SYT1: variants seen among roughly 807,000 people sequenced by gnomAD.
SYT1 encodes the protein synaptotagmin 1.
A neutral mutation model predicts 44.8 loss-of-function variants in SYT1; 8 were observed. That is an observed-to-expected ratio of 0.18 (90% CI 0.10 to 0.32). The LOEUF is 0.32. SYT1 is among the 10% of genes least tolerant of loss of function. The probability of loss-of-function intolerance (pLI) is 1.00; values close to 1 mark genes in which losing one functional copy is unlikely to be tolerated. For missense variants in SYT1, 286 were observed against 509.3 expected, an observed-to-expected ratio of 0.56 and a Z score of 4.22; for synonymous variants, 154 against 188.8, an observed-to-expected ratio of 0.82 and a Z score of 1.51.
In SYT1 at chr12:79,335,791, A is replaced by T. The variant is rs952368693; in HGVS notation, c.811-17711A>T. Among the ~76,000 whole-genome samples the T allele has an allele frequency of 1.2e-3, 183 of 152,298 alleles. 4 individuals are homozygous for T. Among genetic ancestry groups the T allele is most frequent in the Admixed American group, 0.012 (183 of 15,294 alleles). ...CACTTTCTTCTCATGTGATTTGTCAACACACATATAAAGGACATCTCTGGC... is the reference window on the plus strand; with the variant it reads ...CACTTTCTTCTCATGTGATTTGTCATCACACATATAAAGGACATCTCTGGC... On this transcript the variant is annotated intron_variant, in intron 8 of 10. Transcript: ENST00000261205.
At position 79,064,941 on chromosome 12, in the gene SYT1, AAAGAAAGAAAG is replaced by A. The variant is rs1565789254; in HGVS notation, c.-18+17582_-18+17592del. 2.4e-5 allele frequency among the ~76,000 whole-genome samples: 3 copies of A among 123,638 alleles called. No homozygotes were observed. The East Asian group carries it at 6.6e-4, about 27-fold the overall frequency. 81.1% of individuals were successfully genotyped at this position (123,638 alleles called of 152,430 possible). Reference sequence around the variant, plus strand: ...AAAAAATAGAGAGAAAGAAAGAAAGAAAGAAAGAAAGAAAGAAAGAAAGAAAGAAAGAAAGA... The same window carrying A: ...AAAAAATAGAGAGAAAGAAAGAAAGAAAAGAAAGAAAGAAAGAAAGAAAGA... On this transcript the variant is annotated intron_variant, in intron 3 of 10. Transcript: ENST00000261205.
At chr12:79,055,456 C>T (rs1874860258) in intron 3 of SYT1, among the ~76,000 whole-genome samples, 1 of 151,974 alleles carries the variant, frequency 6.6e-6, no homozygotes, top group South Asian at 2.1e-4. Context: ...AATGATTTAG[C>T]TATATGAATT....
At chr12:78,952,049 G>A (rs1012676619) in intron 1 of SYT1, among the ~76,000 whole-genome samples, 6 of 152,028 alleles carry the variant, frequency 3.9e-5, no homozygotes, top group Admixed American at 1.3e-4. Context: ...AGGCCATGAA[G>A]AGCAAAATGA....
intron 3 of SYT1, among the ~76,000 whole-genome samples, chr12:79,062,304 C>T (rs1875448878): frequency 6.6e-6 from 1 of 152,118 alleles, no homozygotes; most frequent in African/African-American, 2.4e-5. Flanking sequence ...CCTATTGATT[C>T]AGATGTTTTC....
intron 1 of SYT1, among the ~76,000 whole-genome samples, chr12:78,897,767 T>C (rs1433374041): frequency 1.3e-5 from 2 of 152,102 alleles, no homozygotes; most frequent in African/African-American, 2.4e-5. Context: ...TTTGGAGGCA[T>C]TCTTTTTCCA....
intron 4 of SYT1, among the ~76,000 whole-genome samples, chr12:79,241,431 C>T (rs1317132197): frequency 2.6e-5 from 4 of 151,848 alleles, no homozygotes; most frequent in African/African-American, 7.3e-5. Context: ...CCACCATGCC[C>T]GGCTAATTTT....
chr12:79,014,597 C>T (rs1412846505), intron 2 of SYT1, among the ~76,000 whole-genome samples: 3 of 152,058 alleles, frequency 2.0e-5, no homozygotes, highest in Non-Finnish European at 4.4e-5. Flanking sequence ...AATAGGAACA[C>T]TTTTACACTG....
intron 1 of SYT1, among the ~76,000 whole-genome samples, chr12:78,974,805 G>A (rs1178693697): frequency 6.6e-6 from 1 of 151,900 alleles, no homozygotes; most frequent in African/African-American, 2.4e-5. Flanking sequence ...TTTTAATCAT[G>A]ATAAATTTCA....
intron 1 of SYT1, among the ~76,000 whole-genome samples, chr12:78,950,426 T>C (rs1415426852): frequency 6.6e-6 from 1 of 152,100 alleles, no homozygotes; most frequent in Non-Finnish European, 1.5e-5. Flanking sequence ...TTACACAGTT[T>C]CTAATAAGCC....
At chr12:79,125,825 C>A (rs1450137585) in intron 3 of SYT1, among the ~76,000 whole-genome samples, 1 of 152,180 alleles carries the variant, frequency 6.6e-6, no homozygotes, top group Non-Finnish European at 1.5e-5. Context: ...TGTCTTTGCA[C>A]AAAGGCCTCC....
intron 9 of SYT1, among the ~76,000 whole-genome samples, chr12:79,417,996 G>A (rs1021184310): frequency 1.3e-4 from 19 of 151,948 alleles, no homozygotes; most frequent in African/African-American, 4.1e-4. Context: ...TTACTCTACC[G>A]TTACTCCCTC....
At chr12:79,002,467 T>C (rs1447862660) in intron 2 of SYT1, among the ~76,000 whole-genome samples, 1 of 152,004 alleles carries the variant, frequency 6.6e-6, no homozygotes, top group Non-Finnish European at 1.5e-5. Flanking sequence ...TTTTTTTTTT[T>C]ATGAAGGAAA....
At position 79,030,666 on chromosome 12, in the gene SYT1, T is replaced by C. The variant is rs544674600; in HGVS notation, c.-83-16631T>C. On this transcript the variant is annotated intron_variant, in intron 2 of 10. Transcript: ENST00000261205. ...TCTTGCTTTTCTATTTTAAACAGCA[T>C]TTGGGAAAATGCTTTGCCCAAAATA... 1.0e-3 allele frequency among the ~76,000 whole-genome samples: 153 copies of C among 151,214 alleles called. 1 individual carries two copies. Among genetic ancestry groups the C allele is most frequent in the Non-Finnish European group, 1.9e-3 (131 of 67,370 alleles).
chr12:79,319,117 T>G (rs1171651328), intron 8 of SYT1, among the ~76,000 whole-genome samples: 4 of 152,222 alleles, frequency 2.6e-5, no homozygotes, highest in African/African-American at 4.8e-5. Context: ...GAAGATGACA[T>G]AAAGGCAATG....
intron 8 of SYT1, among the ~76,000 whole-genome samples, chr12:79,350,087 G>C (rs1264732078): frequency 6.6e-6 from 1 of 151,856 alleles, no homozygotes; most frequent in Non-Finnish European, 1.5e-5. Flanking sequence ...TCTGATTCAG[G>C]GTAACAACAC....
chr12:79,056,377 C>T (rs1489085941), intron 3 of SYT1, among the ~76,000 whole-genome samples: 1 of 151,980 alleles, frequency 6.6e-6, no homozygotes, highest in Admixed American at 6.6e-5. Context: ...AAGGCCTCTT[C>T]CTTCTTAAAG....
chr12:78,969,295 A>G (rs1034355381), intron 1 of SYT1, among the ~76,000 whole-genome samples: 1 of 152,252 alleles, frequency 6.6e-6, no homozygotes, highest in African/African-American at 2.4e-5. Context: ...ACCAATCCCC[A>G]ATAGATACTG....
chr12:79,271,154 C>T (rs1234922182), intron 4 of SYT1, among the ~76,000 whole-genome samples: 1 of 152,124 alleles, frequency 6.6e-6, no homozygotes, highest in Non-Finnish European at 1.5e-5. Flanking sequence ...AACACCCTTG[C>T]TCTTGGTGAA....
chr12:79,247,137 G>A (rs755730472), intron 4 of SYT1, among the ~76,000 whole-genome samples: 4 of 152,148 alleles, frequency 2.6e-5, no homozygotes, highest in Non-Finnish European at 5.9e-5. Flanking sequence ...ATTACATTTA[G>A]TGATGAGTTT....
Sources: gnomAD v4.1 joint callset for allele counts (sites outside exome capture counted in the v4.1 genomes callset) on GRCh38, gnomAD v4.1.1 for gene constraint, MANE v1.5 for transcripts, NCBI Gene and HGNC (gene_info 2026-07-23, HGNC 2026-07-21) for gene names.